GLYATL2: variants seen among roughly 807,000 people sequenced by gnomAD.
GLYATL2 encodes glycine N-acyltransferase-like protein 2.
GLYATL2 carries 25 observed loss-of-function variants against 21.4 expected under a neutral mutation model. That is an observed-to-expected ratio of 1.17 (90% CI 0.85 to 1.63). The LOEUF (loss-of-function observed/expected upper bound fraction) is 1.63, where lower values mean the gene tolerates loss of function less well. Ranked by LOEUF, GLYATL2 falls within the 40% of genes most tolerant of loss-of-function variation. GLYATL2 has a pLI of 0.00. For synonymous variants in GLYATL2, 114 were observed against 118.2 expected, an observed-to-expected ratio of 0.96 and a Z score of 0.23; for missense variants, 361 against 343.3, an observed-to-expected ratio of 1.05 and a Z score of -0.41.
chr11:58,873,912 G>T (rs989626223), intron 1 of GLYATL2, among the ~76,000 whole-genome samples: 12 of 152,068 alleles, frequency 7.9e-5, no homozygotes, highest in Admixed American at 6.6e-4. Context: ...AATCCATCTG[G>T]TCCTGGACTT....
At chr11:58,852,811 G>T (rs1590723755) in intron 1 of GLYATL2, among the ~76,000 whole-genome samples, 1 of 152,130 alleles carries the variant, frequency 6.6e-6, no homozygotes, top group South Asian at 2.1e-4. Context: ...CACATTGGGG[G>T]TTAAGCCTTC....
intron 1 of GLYATL2, among the ~76,000 whole-genome samples, chr11:58,883,106 C>A (rs1392178611): frequency 1.3e-5 from 2 of 152,132 alleles, no homozygotes; most frequent in African/African-American, 4.8e-5. Context: ...TCATTGATAG[C>A]TTTATGGGGA....
At chr11:58,870,371 G>A (rs1854096635) in intron 1 of GLYATL2, among the ~76,000 whole-genome samples, 1 of 152,146 alleles carries the variant, frequency 6.6e-6, no homozygotes, top group East Asian at 1.9e-4. Flanking sequence ...GGGATTTCAG[G>A]GAGGTGACTG....
chr11:58,839,699 G>T (rs942787474), intron 1 of GLYATL2, 47 bp from the exon 2 acceptor site: 2 of 874,242 alleles, frequency 2.3e-6, no homozygotes, highest in African/African-American at 1.7e-5. Context: ...AGATATGATA[G>T]GTGTCCAGAA....
chr11:58,850,762 G>A (rs1313947417), intron 1 of GLYATL2, among the ~76,000 whole-genome samples: 1 of 151,984 alleles, frequency 6.6e-6, no homozygotes, highest in East Asian at 1.9e-4. Context: ...CTTTCCCCAG[G>A]GGAGTTTAGA....
intron 1 of GLYATL2, among the ~76,000 whole-genome samples, chr11:58,877,089 T>A (rs1385485442): frequency 6.6e-6 from 1 of 152,206 alleles, no homozygotes; most frequent in African/African-American, 2.4e-5. Flanking sequence ...CTCTGTGCCT[T>A]GTGCAGGATA....
At position 58,837,084 on chromosome 11, in the gene GLYATL2, T is replaced by C. The variant is rs1384959580; in HGVS notation, c.407A>G (p.Glu136Gly). 2 of 1,613,740 alleles carry C rather than the reference T, an allele frequency of 1.2e-6. No homozygotes were observed. The highest frequency in any genetic ancestry group is 2.7e-5 in the African/African-American group (2 of 74,930). Reference sequence around the variant, plus strand: ...TGAGGTCTTGTGTTTCTTTGGTAATTCCGGTATAAAGAGGATGGTTTTCAT... The same window carrying C: ...TGAGGTCTTGTGTTTCTTTGGTAATCCCGGTATAAAGAGGATGGTTTTCAT... ...DYMKTILFIPELPKKHKTSSN... is the reference protein window; with the variant it reads ...DYMKTILFIPGLPKKHKTSSN... The change falls in exon 5 of 6, where the codon GAA (glutamate) becomes GGA (glycine). Residue 136 changes from glutamate to glycine, a missense_variant. Coordinates refer to ENST00000287275, the MANE Select transcript of GLYATL2 (RefSeq NM_145016.4).
chr11:58,909,270 G>T, the GLYATL2 span, among the ~76,000 whole-genome samples: 2 of 152,156 alleles, frequency 1.3e-5, no homozygotes, highest in Non-Finnish European at 2.9e-5. Flanking sequence ...TAGTCAAGGG[G>T]TACAGAGTTT....
intron 3 of GLYATL2, 52 bp downstream of exon 3, chr11:58,838,209 A>C: frequency 1.7e-6 from 2 of 1,176,302 alleles, no homozygotes; most frequent in Non-Finnish European, 2.5e-6. Context: ...ATTGCCATGC[A>C]GAGAACGTCT....
At chr11:58,891,693 G>T (rs1235396868) in intron 1 of GLYATL2, among the ~76,000 whole-genome samples, 1 of 152,172 alleles carries the variant, frequency 6.6e-6, no homozygotes, top group East Asian at 1.9e-4. Context: ...TTTACTTTGA[G>T]CCAAGTTTAA....
chr11:58,894,535 A>T (rs1854603814), intron 1 of GLYATL2, among the ~76,000 whole-genome samples: 1 of 152,068 alleles, frequency 6.6e-6, no homozygotes, highest in African/African-American at 2.4e-5. Context: ...AAAAAAACAA[A>T]GGAAATCTTA....
At chr11:58,878,150 A>G (rs950939283) in intron 1 of GLYATL2, among the ~76,000 whole-genome samples, 1 of 152,150 alleles carries the variant, frequency 6.6e-6, no homozygotes, top group Non-Finnish European at 1.5e-5. Flanking sequence ...TCACCCCTGG[A>G]GCCTCTGTGA....
chr11:58,865,993 C>T (rs567930370), intron 1 of GLYATL2, among the ~76,000 whole-genome samples: 1 of 148,748 alleles, frequency 6.7e-6, no homozygotes, highest in African/African-American at 2.4e-5. Flanking sequence ...AAAATGTTCT[C>T]GGATGCCCCC....
At chr11:58,869,219 A>G (rs1854073294) in intron 1 of GLYATL2, among the ~76,000 whole-genome samples, 2 of 152,212 alleles carry the variant, frequency 1.3e-5, no homozygotes, top group South Asian at 4.1e-4. Context: ...AGTCACGGGA[A>G]ATTAGAATTT....
At chr11:58,847,117 A>G (rs939019920), upstream of GLYATL2, among the ~76,000 whole-genome samples, 25 of 152,216 alleles carry the variant, frequency 1.6e-4, no homozygotes, top group African/African-American at 5.8e-4. Flanking sequence ...GCATTGAAAA[A>G]AAGGATCCAG....
intron 1 of GLYATL2, among the ~76,000 whole-genome samples, chr11:58,877,112 G>T (rs868315007): frequency 8.5e-5 from 13 of 152,356 alleles, no homozygotes; most frequent in Middle Eastern, 3.4e-3. Context: ...ATCTCCTGGT[G>T]TGCCGTTTGA....
Position 58,875,455 on chromosome 11 carries a change from TC to T in GLYATL2, n.60+28700del, listed in dbSNP as rs1342617342. Among the ~76,000 whole-genome samples, 10 of 152,364 alleles carry T rather than the reference TC, an allele frequency of 6.6e-5. No homozygotes were observed. The East Asian group carries it at 1.9e-3, about 29-fold the overall frequency. ...GTTGTTCCTTTCCATGTTTAGTGCT[TC>T]CTTCAGGAGCTCTTTTAGGGCAGGC... On this transcript the variant is annotated intron_variant and non_coding_transcript_variant, in intron 1 of 4. Transcript: ENST00000533636.
chr11:58,842,149 C>T (rs1167131695), intron 1 of GLYATL2, among the ~76,000 whole-genome samples: 1 of 152,024 alleles, frequency 6.6e-6, no homozygotes, highest in African/African-American at 2.4e-5. Context: ...AAATGCCAAC[C>T]CTATTTCAGC....
At chr11:58,909,613 A>G in the GLYATL2 span, among the ~76,000 whole-genome samples, 5 of 152,216 alleles carry the variant, frequency 3.3e-5, no homozygotes, top group African/African-American at 1.2e-4. Context: ...AATGGCCTGA[A>G]TAAAGTCATG....
Sources: allele counts gnomAD v4.1 joint callset (sites outside exome capture counted in the v4.1 genomes callset), GRCh38; gene constraint gnomAD v4.1.1; transcripts MANE v1.5; gene names NCBI Gene and HGNC (gene_info 2026-07-23, HGNC 2026-07-21).